The following FRAS1 variants were observed in gnomAD, a reference collection of about 807,000 sequenced individuals.
The protein encoded by FRAS1 is Fraser extracellular matrix complex subunit 1, also known as extracellular matrix organizing protein FRAS1.
FRAS1 carries 290 observed loss-of-function variants against 435.2 expected under a neutral mutation model. The observed-to-expected ratio is 0.67, with a 90% CI of 0.61 to 0.73. The LOEUF (loss-of-function observed/expected upper bound fraction) is 0.73, where lower values mean the gene tolerates loss of function less well. FRAS1 is among the 30% of genes least tolerant of loss of function. The pLI, the probability that FRAS1 is intolerant of heterozygous loss-of-function variation, is 0.00. For synonymous variants in FRAS1, 1,800 were observed against 1,851.0 expected, an observed-to-expected ratio of 0.97 and a Z score of 0.71; for missense variants, 4,860 against 5,001.5, an observed-to-expected ratio of 0.97 and a Z score of 0.85.
intron 24 of FRAS1, among the ~76,000 whole-genome samples, chr4:78,373,444 G>GAAT (rs1731593035): frequency 9.0e-6 from 1 of 111,482 alleles, no homozygotes; most frequent in Non-Finnish European, 1.9e-5. Context: ...GAGAGCCAAG[G>GAAT]ACTAATAATA....
intron 62 of FRAS1, 77 bp downstream of exon 62, chr4:78,507,685 T>C: frequency 7.2e-7 from 1 of 1,379,384 alleles, no homozygotes; most frequent in Non-Finnish European, 9.7e-7. Flanking sequence ...AAGTACTCTA[T>C]TTCTTTATTC....
intron 6 of FRAS1, among the ~76,000 whole-genome samples, chr4:78,256,061 T>G (rs11098117): frequency 0.028 from 4,256 of 152,284 alleles, 201 homozygotes; most frequent in African/African-American, 0.096. Flanking sequence ...AAAAAATAGC[T>G]CATTTTTTGA....
chr4:78,123,915 T>C (rs1012077875), intron 2 of FRAS1, among the ~76,000 whole-genome samples: 14 of 152,332 alleles, frequency 9.2e-5, no homozygotes, highest in African/African-American at 3.4e-4. Flanking sequence ...AATCAAGTCA[T>C]CTGCAAACAG....
At chr4:78,509,499 C>G (rs1720963638) in intron 63 of FRAS1, among the ~76,000 whole-genome samples, 1 of 151,308 alleles carries the variant, frequency 6.6e-6, no homozygotes, top group African/African-American at 2.5e-5. Context: ...AAACATGGCC[C>G]AAAATGGCCA....
intron 2 of FRAS1, among the ~76,000 whole-genome samples, chr4:78,125,982 C>G (rs1301361558): frequency 6.6e-6 from 1 of 152,206 alleles, no homozygotes; most frequent in African/African-American, 2.4e-5. Flanking sequence ...TGCCCTGCCC[C>G]CAGAGGTGGA....
intron 55 of FRAS1, among the ~76,000 whole-genome samples, chr4:78,478,368 C>A (rs1719915545): frequency 6.6e-6 from 1 of 152,144 alleles, no homozygotes; most frequent in African/African-American, 2.4e-5. Flanking sequence ...TCACCCAATC[C>A]ATAAAATATT....
intron 33 of FRAS1, among the ~76,000 whole-genome samples, chr4:78,420,553 C>A (rs1403324800): frequency 6.6e-6 from 1 of 152,174 alleles, no homozygotes; most frequent in Non-Finnish European, 1.5e-5. Flanking sequence ...GCATTTATCA[C>A]AAGCAGAGTG....
At chr4:78,205,518 A>G (rs1321411135) in intron 2 of FRAS1, among the ~76,000 whole-genome samples, 2 of 152,238 alleles carry the variant, frequency 1.3e-5, no homozygotes, top group Non-Finnish European at 2.9e-5. Flanking sequence ...GTGATAAAAC[A>G]TCTCTCTGAA....
In FRAS1 at chr4:78,470,089, A is replaced by C. The variant is rs377058249; in HGVS notation, c.7369A>C (p.Lys2457Gln). The change falls in exon 51 of 74, where the codon AAG becomes CAG. Residue 2457 changes from lysine to glutamine, a missense_variant and splice_region_variant. By Grantham distance (53) the Lys-to-Gln change is moderately conservative. Transcript: ENST00000512123. The part of the protein sequence containing the change: ...GLQWLEYMDG[K>Q]ATNLITKKEL... ...CCAGTGGCTGGAATACATGGATGGCAAGGTAAGGCCTGTCCCTCTGTCATG... is the reference window on the plus strand; with the variant it reads ...CCAGTGGCTGGAATACATGGATGGCCAGGTAAGGCCTGTCCCTCTGTCATG... 5 of 1,606,636 alleles carry C rather than the reference A, an allele frequency of 3.1e-6. No homozygotes were observed. The highest frequency in any genetic ancestry group is 4.3e-6 in the Non-Finnish European group (5 of 1,174,042).
At chr4:78,252,885 T>C (rs1725609092) in intron 5 of FRAS1, among the ~76,000 whole-genome samples, 2 of 152,114 alleles carry the variant, frequency 1.3e-5, no homozygotes, top group Admixed American at 1.3e-4. Context: ...AAGGCAAAAT[T>C]AGAATTACTG....
chr4:78,181,025 C>T (rs1180471395), intron 2 of FRAS1: 10 of 1,593,044 alleles, frequency 6.3e-6, no homozygotes, highest in Middle Eastern at 1.7e-4. Flanking sequence ...CAAAATTGAT[C>T]TCCAGCTGAG....
rs573711655 is a variant in FRAS1, at chr4:78,436,462, G to T, written c.5218-2108G>T. Among the ~76,000 whole-genome samples, 8 of 152,216 alleles carry T rather than the reference G, an allele frequency of 5.3e-5. 1 individual carries two copies. The South Asian group carries it at 1.7e-3, about 32-fold the overall frequency. On this transcript the variant is annotated intron_variant, in intron 38 of 73. Transcript: ENST00000512123. Reference sequence around the variant, plus strand: ...ATATACCCTAACCATTCTAATCCTGGATTACTACCCAAAAGAAACTTTCAC... The same window carrying T: ...ATATACCCTAACCATTCTAATCCTGTATTACTACCCAAAAGAAACTTTCAC...
At chr4:78,318,663 ACT>A in intron 17 of FRAS1, 145 bp from the exon 18 acceptor site, 1 of 726,688 alleles carries the variant, frequency 1.4e-6, no homozygotes, top group Non-Finnish European at 2.1e-6. Context: ...CATTATTATC[ACT>A]CTGTGCTTTG....
chr4:78,118,243 G>C (rs937440024), intron 2 of FRAS1, among the ~76,000 whole-genome samples: 1 of 152,192 alleles, frequency 6.6e-6, no homozygotes. Flanking sequence ...TGCCCCTACT[G>C]GGGGGTGCCT....
chr4:78,501,945 G>C (rs1314586044), intron 61 of FRAS1, among the ~76,000 whole-genome samples: 1 of 152,196 alleles, frequency 6.6e-6, no homozygotes, highest in Non-Finnish European at 1.5e-5. Context: ...TATATGGCTA[G>C]CCAGTTTTCT....
At chr4:78,396,143 T>C (rs1484347) in intron 29 of FRAS1, among the ~76,000 whole-genome samples, 21,183 of 152,082 alleles carry the variant, frequency 0.14, 1,854 homozygotes, top group African/African-American at 0.25. Flanking sequence ...CTGACCCTCA[T>C]CATTTTATGT....
chr4:78,241,505 A>C (rs769196339), intron 3 of FRAS1, among the ~76,000 whole-genome samples: 1 of 152,192 alleles, frequency 6.6e-6, no homozygotes, highest in Non-Finnish European at 1.5e-5. Context: ...AAGACATATA[A>C]TCACCTTAGG....
chr4:78,348,307 C>G, intron 20 of FRAS1, among the ~76,000 whole-genome samples: 1 of 19,112 alleles, frequency 5.2e-5, no homozygotes, highest in Non-Finnish European at 9.1e-5. Flanking sequence ...CGGCGCACCA[C>G]GAGACTATAT....
chr4:78,272,938 T>C (rs1446851915), intron 9 of FRAS1, among the ~76,000 whole-genome samples: 2 of 152,186 alleles, frequency 1.3e-5, no homozygotes, highest in African/African-American at 2.4e-5. Flanking sequence ...ATTCTTCCTA[T>C]CCATGAGCAT....
Sources: gnomAD v4.1 joint callset for allele counts (sites outside exome capture counted in the v4.1 genomes callset) on GRCh38, gnomAD v4.1.1 for gene constraint, MANE v1.5 for transcripts, NCBI Gene and HGNC (gene_info 2026-07-23, HGNC 2026-07-21) for gene names.